SRFBP1: variants seen among roughly 807,000 people sequenced by gnomAD.
SRFBP1 encodes serum response factor-binding protein 1.
SRFBP1 carries 47 observed loss-of-function variants against 45.5 expected under a neutral mutation model. That is an observed-to-expected ratio of 1.03 (90% CI 0.82 to 1.32). SRFBP1 has a LOEUF of 1.32. Among genes scored for constraint, SRFBP1 ranks in the 40% most tolerant of loss-of-function variants. SRFBP1 has a pLI of 0.00. For synonymous variants in SRFBP1, 203 were observed against 166.3 expected (o/e 1.22, Z -1.70); for missense variants, 621 against 484.6 (o/e 1.28, Z -2.64).
At chr5:122,050,385 G>T (rs1430538813) in intron 2 of SRFBP1, among the ~76,000 whole-genome samples, 1 of 151,994 alleles carries the variant, frequency 6.6e-6, no homozygotes, top group Non-Finnish European at 1.5e-5. Flanking sequence ...GGATTTATTT[G>T]GTTGGTTGGT....
At chr5:122,062,761 C>T (rs888477351) in intron 2 of SRFBP1, among the ~76,000 whole-genome samples, 38 of 151,942 alleles carry the variant, frequency 2.5e-4, no homozygotes, top group African/African-American at 9.2e-4. Context: ...CCTGTTTGCC[C>T]TCTCATGTTA....
At chr5:122,019,891 C>T (rs944150913) in intron 5 of SRFBP1, among the ~76,000 whole-genome samples, 197 bp from the exon 6 acceptor site, 1 of 151,962 alleles carries the variant, frequency 6.6e-6, no homozygotes, top group Non-Finnish European at 1.5e-5. Flanking sequence ...AAAATGAATA[C>T]GTCTGAGCAT....
chr5:121,977,324 G>T (rs2112821403), intron 3 of SRFBP1, among the ~76,000 whole-genome samples: 1 of 151,970 alleles, frequency 6.6e-6, no homozygotes, highest in Admixed American at 6.6e-5. Context: ...AGGAGTTAGG[G>T]CAGGCTGGGT....
intron 2 of SRFBP1, among the ~76,000 whole-genome samples, chr5:122,068,766 G>C (rs1454831419): frequency 6.6e-6 from 1 of 152,072 alleles, no homozygotes; most frequent in African/African-American, 2.4e-5. Context: ...GCATTATTCA[G>C]TAATATCTAG....
chr5:122,030,909 T>C (rs551866561), downstream of SRFBP1, among the ~76,000 whole-genome samples: 21 of 152,308 alleles, frequency 1.4e-4, 2 homozygotes, highest in South Asian at 4.3e-3. Context: ...TGATAAGTTA[T>C]GACATATTTT....
chr5:122,009,035 C>G (rs1342254020), intron 4 of SRFBP1, among the ~76,000 whole-genome samples: 2 of 152,146 alleles, frequency 1.3e-5, no homozygotes, highest in Non-Finnish European at 1.5e-5. Flanking sequence ...AGTAGATGCA[C>G]TAATGTATAC....
Position 121,990,918 on chromosome 5 carries a change from A to G in SRFBP1, c.199-3681A>G, listed in dbSNP as rs553039112. Among the ~76,000 whole-genome samples the G allele has an allele frequency of 1.4e-3, 209 of 152,304 alleles. 2 individuals are homozygous for G. The highest frequency in any genetic ancestry group is 4.8e-3 in the African/African-American group (200 of 41,566). On this transcript the variant is annotated intron_variant, in intron 3 of 7. Transcript: ENST00000339397. ...TCTGAATAGTTAGCCAGAAAGCTAT[A>G]ATGATTCTTTAGTGCCCAAGCCTCT...
At position 122,020,138 on chromosome 5, in the gene SRFBP1, T is replaced by G; in HGVS notation, c.403T>G (p.Ser135Ala). ...EARQNVAEVE[S>A]SKNASEDNHS... Reference sequence around the variant, plus strand: ...AAGACAAAATGTTGCTGAAGTTGAGTCATCAAAGAATGCTTCAGAGGACAA... The same window carrying G: ...AAGACAAAATGTTGCTGAAGTTGAGGCATCAAAGAATGCTTCAGAGGACAA... The change falls in exon 6 of 8, where the codon TCA becomes GCA. Residue 135 changes from serine (S) to alanine (A), a missense_variant. Physicochemically the swap from Ser to Ala is moderately conservative, Grantham distance 99. Transcript: ENST00000339397. 1 of 1,590,714 alleles carries G rather than the reference T, an allele frequency of 6.3e-7. No individual in the cohort carries two copies. The highest frequency in any genetic ancestry group is 8.5e-7 in the Non-Finnish European group (1 of 1,171,560).
downstream of SRFBP1, among the ~76,000 whole-genome samples, chr5:122,032,823 A>G (rs552740760): frequency 8.3e-4 from 126 of 152,366 alleles, 2 homozygotes; most frequent in South Asian, 4.1e-4. Flanking sequence ...GTCAGAATGT[A>G]AATGCATATG....
chr5:122,026,068 C>T (rs1228566572), intron 7 of SRFBP1, among the ~76,000 whole-genome samples: 1 of 152,116 alleles, frequency 6.6e-6, no homozygotes, highest in Non-Finnish European at 1.5e-5. Flanking sequence ...CCATCCTGGG[C>T]AACAGAGCAA....
Position 122,074,244 on chromosome 5 carries a change from C to G in SRFBP1, n.312-1071C>G, listed in dbSNP as rs143035214. ...GCAATGAAGATATTAAATGACTTCC[C>G]CCATGGCTTCACAAATTTGTTTTCA... On this transcript the variant is annotated intron_variant and non_coding_transcript_variant, in intron 2 of 2. Transcript: ENST00000504881. 1.7e-3 allele frequency: 2,175 copies of G among 1,254,450 alleles called. 23 individuals carry two copies. Among genetic ancestry groups the G allele is most frequent in the South Asian group, 0.013 (860 of 66,832 alleles). The allele number at this position is 1,254,450 out of a possible 1,614,324, so 77.7% of individuals were successfully genotyped here. A position where few individuals can be genotyped will look rare whatever the true frequency, so the allele number is the denominator to read the frequency against.
chr5:122,037,280 G>T (rs1753709563), intron 2 of SRFBP1, among the ~76,000 whole-genome samples: 1 of 152,116 alleles, frequency 6.6e-6, no homozygotes, highest in Admixed American at 6.6e-5. Context: ...CAAACATCAT[G>T]CTCACACTCT....
chr5:122,019,134 A>T, intron 4 of SRFBP1, 126 bp from the exon 5 acceptor site: 3 of 757,708 alleles, frequency 4.0e-6, no homozygotes, highest in Non-Finnish European at 6.5e-6. Flanking sequence ...TTATCTAAGG[A>T]GAATATTAAC....
At chr5:121,979,951 C>G (rs926457059) in intron 3 of SRFBP1, among the ~76,000 whole-genome samples, 5 of 152,182 alleles carry the variant, frequency 3.3e-5, no homozygotes, top group Non-Finnish European at 5.9e-5. Context: ...GGACAGCCTA[C>G]TAAGAGCATT....
At chr5:121,982,452 T>C (rs1752428730) in intron 3 of SRFBP1, among the ~76,000 whole-genome samples, 1 of 152,076 alleles carries the variant, frequency 6.6e-6, no homozygotes, top group South Asian at 2.1e-4. Context: ...TTAACACTTT[T>C]GCATTTTTAA....
At chr5:122,077,071 T>G, downstream of SRFBP1, 1 of 1,585,074 alleles carries the variant, frequency 6.3e-7, no homozygotes, top group South Asian at 1.1e-5. The surrounding 1 kb of genome is among the most constrained non-coding windows in gnomAD (Gnocchi z 4.9). Context: ...TCCCTACCCC[T>G]CTAGGTCCCT....
At chr5:121,986,055 A>G (rs141766379) in intron 3 of SRFBP1, among the ~76,000 whole-genome samples, 259 of 152,116 alleles carry the variant, frequency 1.7e-3, no homozygotes, top group African/African-American at 5.9e-3. Context: ...TCAGTGAGGT[A>G]TTATTAGATA....
At chr5:121,971,635 A>G (rs1752201542) in intron 1 of SRFBP1, among the ~76,000 whole-genome samples, 1 of 152,060 alleles carries the variant, frequency 6.6e-6, no homozygotes, top group Non-Finnish European at 1.5e-5. Context: ...TGGCAAATTA[A>G]ATATGCACAC....
At chr5:121,992,934 A>G (rs1442081321) in intron 3 of SRFBP1, among the ~76,000 whole-genome samples, 1 of 152,060 alleles carries the variant, frequency 6.6e-6, no homozygotes, top group Non-Finnish European at 1.5e-5. Flanking sequence ...TGCTATTGCT[A>G]TGAGTAATAA....
Sources: allele counts gnomAD v4.1 joint callset (sites outside exome capture counted in the v4.1 genomes callset), GRCh38; gene constraint gnomAD v4.1.1; non-coding constraint Gnocchi (gnomAD v3.1); transcripts MANE v1.5; gene names NCBI Gene and HGNC (gene_info 2026-07-23, HGNC 2026-07-21).